NBL1: variants seen among roughly 807,000 people sequenced by gnomAD.
The protein encoded by NBL1 is neuroblastoma suppressor of tumorigenicity 1.
In NBL1, 9 loss-of-function variants were observed where a neutral mutation model predicts 16.0. The observed-to-expected ratio is 0.56, with a 90% CI of 0.34 to 0.98. NBL1 has a LOEUF of 0.98. Ranked by LOEUF, NBL1 falls within the 50% of genes least tolerant of loss-of-function variation. NBL1 has a pLI of 0.02. For missense variants in NBL1, 196 were observed against 243.1 expected (o/e 0.81, Z 1.29); for synonymous variants, 86 against 100.7 (o/e 0.85, Z 0.87).
intron 1 of NBL1, among the ~76,000 whole-genome samples, chr1:19,646,336 G>T (rs550572240): frequency 6.6e-6 from 1 of 152,306 alleles, no homozygotes; most frequent in Admixed American, 6.5e-5. Flanking sequence ...GCTGAGGGGG[G>T]AAGCAAATGG....
rs1327681599 is a variant in NBL1, at chr1:19,644,682, C to T, written c.-20+236C>T. On this transcript the variant is annotated intron_variant, in intron 1 of 3. Transcript: ENST00000375136. The surrounding 1 kb of genome is among the most constrained non-coding windows in gnomAD (Gnocchi z 4.6). ...GGTGGCCGGGGGGCACCGCCGCGTC[C>T]GGAGCCCGTCCCCAGACTCGCCCCA... Among the ~76,000 whole-genome samples the T allele has an allele frequency of 6.6e-6, 1 of 151,806 alleles. No individual in the cohort carries two copies. The highest frequency in any genetic ancestry group is 2.1e-4 in the South Asian group (1 of 4,824).
intron 1 of NBL1, among the ~76,000 whole-genome samples, chr1:19,651,857 T>G (rs2095027595): frequency 6.6e-6 from 1 of 152,122 alleles, no homozygotes; most frequent in Admixed American, 6.5e-5. Context: ...CAATGCATAA[T>G]GTGATAATAA....
chr1:19,652,085 C>T (rs2095029275), intron 1 of NBL1, among the ~76,000 whole-genome samples: 1 of 152,076 alleles, frequency 6.6e-6, no homozygotes, highest in South Asian at 2.1e-4. Context: ...TCCAAATCCA[C>T]ATCACTTTCT....
At chr1:19,645,706 C>T in intron 1 of NBL1, 1 of 1,279,738 alleles carries the variant, frequency 7.8e-7, no homozygotes, top group Middle Eastern at 3.1e-4. Flanking sequence ...TGCAGCGTTT[C>T]CTCGGTGACC....
chr1:19,656,130 C>T (rs1180716196), intron 3 of NBL1, among the ~76,000 whole-genome samples: 1 of 152,088 alleles, frequency 6.6e-6, no homozygotes, highest in East Asian at 1.9e-4. Context: ...CCCCACTAGA[C>T]TCTGATTTCC....
At chr1:19,653,530 C>T (rs909670410) in intron 1 of NBL1, among the ~76,000 whole-genome samples, 5 of 152,222 alleles carry the variant, frequency 3.3e-5, no homozygotes, top group East Asian at 1.9e-4. Flanking sequence ...CTGATCAAAA[C>T]GCAGACTCCT....
intron 1 of NBL1, among the ~76,000 whole-genome samples, chr1:19,650,763 G>T (rs958394089): frequency 6.6e-6 from 1 of 152,014 alleles, no homozygotes; most frequent in Non-Finnish European, 1.5e-5. Flanking sequence ...ATTAGTTGCT[G>T]CTTGAAAAAA....
At chr1:19,645,009 G>A (rs1328470576) in intron 1 of NBL1, among the ~76,000 whole-genome samples, 2 of 152,180 alleles carry the variant, frequency 1.3e-5, no homozygotes, top group African/African-American at 4.8e-5. Flanking sequence ...TCTGCCTCTG[G>A]CTTTTCTCTC....
At position 19,655,418 on chromosome 1, in the gene NBL1, C is replaced by G. The variant is rs759649214; in HGVS notation, c.265C>G (p.Gln89Glu). ...LVHCDSCMPA[Q>E]SMWEIVTLEC... ...TCACTGTGACTCCTGCATGCCAGCC[C>G]AGTCCATGTGGGAGATTGTGAGTAC... is the stretch of plus-strand genomic sequence containing the variant. The change falls in exon 3 of 4, where the codon CAG becomes GAG. Residue 89 changes from glutamine to glutamate, a missense_variant. Transcript: ENST00000375136. 13 of 1,613,996 alleles carry G rather than the reference C, an allele frequency of 8.1e-6. No individual in the cohort carries two copies. The African/African-American group carries it at 1.7e-4, about 22-fold the overall frequency.
chr1:19,657,178 TC>T lies in NBL1; in HGVS notation c.*50del, dbSNP rs1229179800. On this transcript the variant is annotated 3_prime_UTR_variant, in exon 4 of 4. Coordinates refer to ENST00000375136, the MANE Select transcript of NBL1 (RefSeq NM_005380.8). ...TCTCATCCCCCTGTGGAATGTTGGG[TC>T]TCACTCTCTGGGGAAGTCAGGGGAG... 12 of 855,444 alleles carry T rather than the reference TC, an allele frequency of 1.4e-5. No individual in the cohort carries two copies. The highest frequency in any genetic ancestry group is 2.1e-5 in the Non-Finnish European group (12 of 559,404). 53.0% of individuals were successfully genotyped at this position (855,444 alleles called of 1,614,324 possible).
At position 19,655,208 on chromosome 1, in the gene NBL1, C is replaced by G; in HGVS notation, c.170+8C>G. 6.2e-7 allele frequency: 1 copy of G among 1,604,590 alleles called. No homozygotes were observed. The highest frequency in any genetic ancestry group is 8.5e-7 in the Non-Finnish European group (1 of 1,174,930). ...CAAGTCCATCCAGAACAGGTGGGACCCAAGGGGTGGGTGGGGGGATGCGGA... is the reference window on the plus strand; with the variant it reads ...CAAGTCCATCCAGAACAGGTGGGACGCAAGGGGTGGGTGGGGGGATGCGGA... On this transcript the variant is annotated splice_region_variant and intron_variant, in intron 2 of 3. Transcript: ENST00000375136.
At chr1:19,643,700 G>C (rs1038151702), upstream of NBL1, 29 of 1,166,922 alleles carry the variant, frequency 2.5e-5, no homozygotes, top group South Asian at 5.0e-4. The surrounding 1 kb of genome is among the most constrained non-coding windows in gnomAD (Gnocchi z 4.7). Context: ...CAAGGGCGTG[G>C]GGCCGAGAGC....
chr1:19,648,882 C>T lies in NBL1; in HGVS notation c.-20+4436C>T, dbSNP rs1462968811. Among the ~76,000 whole-genome samples, 6 of 152,210 alleles carry T rather than the reference C, an allele frequency of 3.9e-5. No homozygotes were observed. In the East Asian group the frequency reaches 1.2e-3, roughly 29 times the overall value. The stretch of plus-strand genomic sequence containing the variant: ...CGTGTCACACATACCTTTACCAGGG[C>T]TCCAAGAGCCAGGGTCAGCCATGGC... On this transcript the variant is annotated intron_variant, in intron 1 of 3. Coordinates refer to ENST00000375136, the MANE Select transcript of NBL1 (RefSeq NM_005380.8).
upstream of NBL1, chr1:19,643,457 G>C (rs999509307): frequency 2.5e-6 from 4 of 1,603,586 alleles, no homozygotes; most frequent in African/African-American, 5.4e-5. The surrounding 1 kb of genome is among the most constrained non-coding windows in gnomAD (Gnocchi z 4.7). Context: ...TGGTGTCCCT[G>C]GGCCACCACT....
intron 1 of NBL1, among the ~76,000 whole-genome samples, chr1:19,653,146 G>T (rs1037052984): frequency 1.3e-5 from 2 of 151,276 alleles, no homozygotes; most frequent in Non-Finnish European, 2.9e-5. Context: ...AATTAGTGGG[G>T]CATGGTGGTG....
At chr1:19,648,647 C>T (rs769517925) in intron 1 of NBL1, among the ~76,000 whole-genome samples, 6 of 152,164 alleles carry the variant, frequency 3.9e-5, no homozygotes, top group South Asian at 2.1e-4. Flanking sequence ...TCAGTTTCCA[C>T]GGTGCCAAAA....
rs757735439 is a variant in NBL1, at chr1:19,655,342, C to A, written c.189C>A (p.Cys63Ter). ...SIQNRACLGQ[C>*]FSYSVPNTFP... The stretch of plus-strand genomic sequence containing the variant: ...CCCACAGGGCGTGCCTAGGACAGTG[C>A]TTCAGCTACAGCGTCCCCAACACCT... The change falls in exon 3 of 4, where the codon TGC becomes TGA. Residue 63 changes from cysteine (C) to a stop codon, truncating the protein, a stop_gained. Coordinates refer to ENST00000375136, the MANE Select transcript of NBL1 (RefSeq NM_005380.8). LOFTEE classifies it high-confidence loss of function. The A allele has an allele frequency of 6.2e-7, 1 of 1,614,140 alleles. No homozygotes were observed. Among genetic ancestry groups the A allele is most frequent in the Non-Finnish European group, 8.5e-7 (1 of 1,180,008 alleles).
At chr1:19,648,405 C>A (rs1170766335) in intron 1 of NBL1, among the ~76,000 whole-genome samples, 1 of 152,190 alleles carries the variant, frequency 6.6e-6, no homozygotes, top group African/African-American at 2.4e-5. Flanking sequence ...GGTGCCCAGG[C>A]CGTGCCTCAT....
At position 19,644,806 on chromosome 1, in the gene NBL1, C is replaced by A. The variant is rs1285345424; in HGVS notation, c.-20+360C>A. Among the ~76,000 whole-genome samples, 1 of 151,966 alleles carries A rather than the reference C, an allele frequency of 6.6e-6. No individual in the cohort carries two copies. Among genetic ancestry groups the A allele is most frequent in the Non-Finnish European group, 1.5e-5 (1 of 67,934 alleles). On this transcript the variant is annotated intron_variant, in intron 1 of 3. Transcript: ENST00000375136. This position sits in a 1 kb window ranked among gnomAD's most constrained non-coding sequence, Gnocchi z 4.6. ...CGGGCCGGGCTCGCATGTCCCCCGG[C>A]CGTGCCCGGGCCTCGCCGCGCCGCG...
Sources: allele counts gnomAD v4.1 joint callset (sites outside exome capture counted in the v4.1 genomes callset), GRCh38; gene constraint gnomAD v4.1.1; non-coding constraint Gnocchi (gnomAD v3.1); transcripts MANE v1.5; gene names NCBI Gene and HGNC (gene_info 2026-07-23, HGNC 2026-07-21).